The following MPC2 variants were observed in gnomAD, a reference collection of about 807,000 sequenced individuals.
MPC2 encodes brain protein 44.
A neutral mutation model predicts 19.2 loss-of-function variants in MPC2; 19 were observed. The observed-to-expected ratio is 0.99, with a 90% CI of 0.69 to 1.45. The LOEUF is 1.45. Ranked by LOEUF, MPC2 falls within the 40% of genes most tolerant of loss-of-function variation. The pLI, the probability that MPC2 is intolerant of heterozygous loss-of-function variation, is 0.00. For synonymous variants in MPC2, 61 were observed against 54.3 expected, an observed-to-expected ratio of 1.12 and a Z score of -0.54; for missense variants, 122 against 153.0, an observed-to-expected ratio of 0.80 and a Z score of 1.07.
chr1:167,935,934 A>G, intron 1 of MPC2, 36 bp from the exon 2 acceptor site: 1 of 971,548 alleles, frequency 1.0e-6, no homozygotes, highest in Middle Eastern at 3.1e-4. Flanking sequence ...TTTTCCTGCC[A>G]CGACGACTCG....
At chr1:167,924,765 C>A (rs373354810) in intron 2 of MPC2, among the ~76,000 whole-genome samples, 3 of 152,088 alleles carry the variant, frequency 2.0e-5, no homozygotes, top group East Asian at 1.9e-4. Flanking sequence ...ATAGGTTCAA[C>A]TGTATGCAAA....
In MPC2 at chr1:167,917,128, T is replaced by C. The variant is rs1386110654; in HGVS notation, c.*1195A>G. 2.0e-5 allele frequency: 3 copies of C among 152,190 alleles called. No individual in the cohort carries two copies. Among genetic ancestry groups the C allele is most frequent in the Non-Finnish European group, 4.4e-5 (3 of 68,022 alleles). The allele number at this position is 152,190 out of a possible 1,614,324, so 9.4% of individuals were successfully genotyped here. A position where few individuals can be genotyped will look rare whatever the true frequency, so the allele number is the denominator to read the frequency against. On this transcript the variant is annotated 3_prime_UTR_variant, in exon 6 of 6. Coordinates refer to ENST00000271373, the MANE Select transcript of MPC2 (RefSeq NM_001143674.4). Reference sequence around the variant, plus strand: ...TGAGGACTGGCTTTATTAGCACTTTTAGAAAAAAAGCTCTGCACTCCACAC... The same window carrying C: ...TGAGGACTGGCTTTATTAGCACTTTCAGAAAAAAAGCTCTGCACTCCACAC...
chr1:167,921,879 T>G (rs982785896), intron 3 of MPC2, among the ~76,000 whole-genome samples: 1 of 152,186 alleles, frequency 6.6e-6, no homozygotes, highest in East Asian at 1.9e-4. Flanking sequence ...ATCCTTTAGG[T>G]TAAAATAAAA....
intron 2 of MPC2, among the ~76,000 whole-genome samples, chr1:167,928,309 C>T (rs1670812193): frequency 6.8e-6 from 1 of 147,052 alleles, no homozygotes; most frequent in South Asian, 2.1e-4. Context: ...GATCGCACCA[C>T]TGCACTCCAG....
At chr1:167,927,787 C>A (rs1023457536) in intron 2 of MPC2, among the ~76,000 whole-genome samples, 1 of 151,844 alleles carries the variant, frequency 6.6e-6, no homozygotes, top group Non-Finnish European at 1.5e-5. Flanking sequence ...CCCACCAAAC[C>A]AAACAACTGA....
intron 2 of MPC2, among the ~76,000 whole-genome samples, chr1:167,924,865 A>T (rs12752209): frequency 9.2e-5 from 14 of 152,154 alleles, no homozygotes; most frequent in Non-Finnish European, 1.6e-4. Flanking sequence ...CTCAAGTAAC[A>T]CTCTCATCCC....
At chr1:167,925,639 C>T (rs1670738891) in intron 2 of MPC2, among the ~76,000 whole-genome samples, 3 of 150,372 alleles carry the variant, frequency 2.0e-5, no homozygotes, top group Non-Finnish European at 4.4e-5. Context: ...CTCCACCTCC[C>T]GGGTTCAAGT....
chr1:167,936,485 A>G, intron 1 of MPC2: 1 of 207,868 alleles, frequency 4.8e-6, no homozygotes, highest in Non-Finnish European at 9.8e-6. Flanking sequence ...ATCTGGTTAG[A>G]GTGGCCCGAA....
At chr1:167,936,152 T>A in intron 1 of MPC2, 1 of 328,442 alleles carries the variant, frequency 3.0e-6, no homozygotes, top group Non-Finnish European at 5.8e-6. Context: ...CGCTGCGCCC[T>A]GCTGGCAGCG....
At chr1:167,936,842 CG>C in intron 1 of MPC2, 96 bp downstream of exon 1, 1 of 1,344,286 alleles carries the variant, frequency 7.4e-7, no homozygotes, top group South Asian at 1.3e-5. Context: ...GGTGTTGAAA[CG>C]GGTGTCCCCT....
intron 2 of MPC2, among the ~76,000 whole-genome samples, chr1:167,925,446 T>TATATATATAC (rs1293426511): frequency 7.1e-5 from 6 of 84,936 alleles, no homozygotes; most frequent in Admixed American, 1.3e-4. Context: ...TATACACATA[T>TATATATATAC]ATATATATAT....
At chr1:167,936,837 T>TGAAACGGGTGTC (rs1671306472) in intron 1 of MPC2, 102 bp downstream of exon 1, 8 of 1,329,378 alleles carry the variant, frequency 6.0e-6, no homozygotes, top group African/African-American at 1.5e-5. Flanking sequence ...GCTCGGGTGT[T>TGAAACGGGTGTC]GAAACGGGTG....
chr1:167,929,493 T>C (rs1364912831), intron 2 of MPC2, among the ~76,000 whole-genome samples: 1 of 152,236 alleles, frequency 6.6e-6, no homozygotes, highest in African/African-American at 2.4e-5. Context: ...AATTCTAACT[T>C]TTCATAGAAT....
chr1:167,931,558 T>C (rs1180220243), intron 2 of MPC2, among the ~76,000 whole-genome samples: 2 of 151,930 alleles, frequency 1.3e-5, no homozygotes, highest in Non-Finnish European at 2.9e-5. Flanking sequence ...TAAGAATATA[T>C]ATGGACATAT....
chr1:167,928,022 C>G (rs1056749602), intron 2 of MPC2, among the ~76,000 whole-genome samples: 3 of 152,048 alleles, frequency 2.0e-5, no homozygotes, highest in African/African-American at 7.2e-5. Context: ...AGTTTAATAT[C>G]TATAACTGCA....
chr1:167,925,442 C>CATATATATATATATATATATATATATAT (rs369657697), intron 2 of MPC2, among the ~76,000 whole-genome samples: 4 of 82,476 alleles, frequency 4.8e-5, no homozygotes, highest in Non-Finnish European at 9.2e-5. Flanking sequence ...TACATATACA[C>CATATATATATATATATATATATATATAT]ATATATATAT....
Position 167,924,481 on chromosome 1 carries a change from A to G in MPC2, c.150+16T>C. 6.3e-7 allele frequency: 1 copy of G among 1,594,090 alleles called. No homozygotes were observed. Among genetic ancestry groups the G allele is most frequent in the Non-Finnish European group, 8.5e-7 (1 of 1,170,314 alleles). ...AATTTGTCTTTCAGTAGCTTCCGTA[A>G]AAACTCAAGACTTACCCATTTCATA... On this transcript the variant is annotated intron_variant, in intron 3 of 5. Coordinates refer to ENST00000271373, the MANE Select transcript of MPC2 (RefSeq NM_001143674.4).
Position 167,917,974 on chromosome 1 carries a change from T to C in MPC2, c.*349A>G. 5.5e-6 allele frequency: 1 copy of C among 181,106 alleles called. No homozygotes were observed. The highest frequency in any genetic ancestry group is 1.2e-5 in the Non-Finnish European group (1 of 86,670). The allele number at this position is 181,106 out of a possible 1,614,324, so 11.2% of individuals were successfully genotyped here. A position where few individuals can be genotyped will look rare whatever the true frequency, so the allele number is the denominator to read the frequency against. ...AGCTAGCTACCTGACCATCCTACAC[T>C]AAATAAGCAGATAATTTAATCTTCC... On this transcript the variant is annotated 3_prime_UTR_variant, in exon 6 of 6. Transcript: ENST00000271373.
intron 2 of MPC2, 81 bp downstream of exon 2, chr1:167,935,652 T>G (rs12731280): frequency 8.4e-7 from 1 of 1,189,298 alleles, no homozygotes; most frequent in Non-Finnish European, 1.2e-6. Flanking sequence ...CTAGAGGCAG[T>G]TGTCAGAGGG....
Sources: gnomAD v4.1 joint callset for allele counts (sites outside exome capture counted in the v4.1 genomes callset) on GRCh38, gnomAD v4.1.1 for gene constraint, MANE v1.5 for transcripts, NCBI Gene and HGNC (gene_info 2026-07-23, HGNC 2026-07-21) for gene names.